Variants in UNC13C observed in about 807,000 individuals in gnomAD.
UNC13C encodes the protein protein unc-13 homolog C.
Under a neutral mutation model 245.4 loss-of-function variants are expected in UNC13C, and 174 were observed. The ratio of observed to expected loss-of-function variants is 0.71; its 90% CI spans 0.63 to 0.80. The LOEUF (loss-of-function observed/expected upper bound fraction) is 0.80, where lower values mean the gene tolerates loss of function less well. UNC13C is among the 30% of genes least tolerant of loss of function. The pLI is 0.00. For missense variants in UNC13C, 2,829 were observed against 2,602.9 expected (o/e 1.09, Z -1.89); for synonymous variants, 992 against 895.1 (o/e 1.11, Z -1.93).
intron 4 of UNC13C, among the ~76,000 whole-genome samples, chr15:54,175,673 C>A (rs1406292607): frequency 6.6e-6 from 1 of 151,914 alleles, no homozygotes; most frequent in African/African-American, 2.4e-5. Flanking sequence ...CCACCACGCC[C>A]AGCTAATTTT....
intron 2 of UNC13C, among the ~76,000 whole-genome samples, chr15:54,086,557 T>G (rs1899248076): frequency 6.6e-6 from 1 of 152,080 alleles, no homozygotes; most frequent in Non-Finnish European, 1.5e-5. Flanking sequence ...CATAAATCCC[T>G]TCTCATTTGT....
chr15:54,426,502 A>T (rs2040762617), intron 19 of UNC13C, among the ~76,000 whole-genome samples: 1 of 151,396 alleles, frequency 6.6e-6, no homozygotes, highest in Non-Finnish European at 1.5e-5. Context: ...AAACAAAAAA[A>T]AATAAAAGTT....
chr15:54,040,838 G>T (rs1011793102), intron 2 of UNC13C, among the ~76,000 whole-genome samples: 9 of 152,100 alleles, frequency 5.9e-5, no homozygotes, highest in Admixed American at 2.0e-4. Flanking sequence ...CTTGCCTCAG[G>T]TATTCACTTG....
chr15:53,933,466 T>C, the UNC13C span, among the ~76,000 whole-genome samples: 224 of 152,246 alleles, frequency 1.5e-3, 2 homozygotes, highest in African/African-American at 5.0e-3. Context: ...CATTTAAATA[T>C]TTACTTCCAA....
chr15:53,982,129 A>G (rs2711588), intron 1 of UNC13C, among the ~76,000 whole-genome samples: 36,791 of 151,954 alleles, frequency 0.24, 5,365 homozygotes, highest in Non-Finnish European at 0.32. Flanking sequence ...TCCCTTTCAA[A>G]TATTTTCTTG....
At chr15:54,624,633 G>A (rs1408017123) in intron 32 of UNC13C, among the ~76,000 whole-genome samples, 1 of 152,056 alleles carries the variant, frequency 6.6e-6, no homozygotes, top group Non-Finnish European at 1.5e-5. Flanking sequence ...TTATACGGTG[G>A]CAAGACCAAA....
the UNC13C span, among the ~76,000 whole-genome samples, chr15:53,915,506 T>C: frequency 6.6e-6 from 1 of 152,226 alleles, no homozygotes; most frequent in South Asian, 2.1e-4. Flanking sequence ...ACAGCACTTA[T>C]GACCAATGAA....
intron 4 of UNC13C, among the ~76,000 whole-genome samples, chr15:54,147,373 C>T (rs2032308820): frequency 1.3e-5 from 2 of 152,028 alleles, no homozygotes; most frequent in Admixed American, 6.5e-5. Flanking sequence ...GCGCCCTCCA[C>T]CACGCCCGGC....
At chr15:54,007,239 T>C (rs1254760069) in intron 1 of UNC13C, among the ~76,000 whole-genome samples, 1 of 152,146 alleles carries the variant, frequency 6.6e-6, no homozygotes, top group African/African-American at 2.4e-5. Context: ...GTAACACAAC[T>C]TAATGCAAAT....
In UNC13C at chr15:54,265,357, G is replaced by A. The variant is rs1180817824; in HGVS notation, c.3679G>A (p.Val1227Ile). Residue 1227 changes from valine to isoleucine, a missense_variant and splice_region_variant, in exon 10 of 33, where the codon GTT becomes ATT. Val to Ile is a conservative substitution (Grantham distance 29). Transcript: ENST00000260323. ...KWSAKITITV[V>I]SAQGLQAKDK... The stretch of plus-strand genomic sequence containing the variant: ...ATGTTTATTTTGGTTTATTTCAGTG[G>A]TTTCTGCACAGGGTCTACAGGCAAA... 3 of 1,515,184 alleles carry A rather than the reference G, an allele frequency of 2.0e-6. No homozygotes were observed. Among genetic ancestry groups the A allele is most frequent in the African/African-American group, 1.4e-5 (1 of 72,264 alleles). The allele number at this position is 1,515,184 out of a possible 1,614,324, so 93.9% of individuals were successfully genotyped here. A position where few individuals can be genotyped will look rare whatever the true frequency, so the allele number is the denominator to read the frequency against.
At chr15:54,073,332 C>G (rs1241783759) in intron 2 of UNC13C, among the ~76,000 whole-genome samples, 2 of 152,116 alleles carry the variant, frequency 1.3e-5, no homozygotes, top group Non-Finnish European at 2.9e-5. Context: ...AACAGTGCTG[C>G]AATACATATA....
At chr15:54,125,962 C>T (rs1169246886) in intron 2 of UNC13C, among the ~76,000 whole-genome samples, 1 of 152,016 alleles carries the variant, frequency 6.6e-6, no homozygotes, top group Non-Finnish European at 1.5e-5. Context: ...AAAACTTATA[C>T]ACAATACAAT....
chr15:54,047,719 T>C (rs957218813), intron 2 of UNC13C, among the ~76,000 whole-genome samples: 1 of 152,200 alleles, frequency 6.6e-6, no homozygotes, highest in Admixed American at 6.5e-5. Context: ...CTTATAAGTA[T>C]CTGCTTTTTA....
chr15:54,142,800 T>A (rs964135804), intron 2 of UNC13C, among the ~76,000 whole-genome samples: 4 of 152,182 alleles, frequency 2.6e-5, no homozygotes, highest in African/African-American at 4.8e-5. Flanking sequence ...AATCCTGTAA[T>A]CACTTTTATA....
chr15:54,606,128 G>A (rs905111441), intron 30 of UNC13C, among the ~76,000 whole-genome samples: 3 of 152,196 alleles, frequency 2.0e-5, no homozygotes, highest in African/African-American at 7.2e-5. Context: ...TAAAAGAAAA[G>A]TACAATTAGT....
rs534166212 is a variant in UNC13C at position 54,602,176 on chromosome 15, T to G, written c.6107-20151T>G. On this transcript the variant is annotated intron_variant, in intron 30 of 32. Transcript: ENST00000260323. ...AGAAAGCATCCAAAGAAAGCAAACC[T>G]GTAGTGGTTTCCATGGAGTTGTGCA... is the stretch of plus-strand genomic sequence containing the variant. Among the ~76,000 whole-genome samples the G allele has an allele frequency of 2.0e-5, 3 of 152,268 alleles. No homozygotes were observed. In the South Asian group the frequency reaches 6.2e-4, roughly 32 times the overall value.
At chr15:53,894,320 T>C in the UNC13C span, among the ~76,000 whole-genome samples, 1 of 152,236 alleles carries the variant, frequency 6.6e-6, no homozygotes, top group African/African-American at 2.4e-5. Flanking sequence ...TATTTCTTAA[T>C]GGCTTAATAA....
chr15:54,049,105 G>T (rs1425381831), intron 2 of UNC13C: 1 of 366,388 alleles, frequency 2.7e-6, no homozygotes, highest in African/African-American at 2.2e-5. Flanking sequence ...AGTCCTTTTT[G>T]ATCCAGAGCA....
chr15:54,450,525 G>A (rs997626310), intron 19 of UNC13C, among the ~76,000 whole-genome samples: 1 of 152,210 alleles, frequency 6.6e-6, no homozygotes, highest in African/African-American at 2.4e-5. Context: ...TCAGACTGCT[G>A]TGCTAGCAAT....
Sources: allele counts gnomAD v4.1 joint callset (sites outside exome capture counted in the v4.1 genomes callset), GRCh38; gene constraint gnomAD v4.1.1; transcripts MANE v1.5; gene names NCBI Gene and HGNC (gene_info 2026-07-23, HGNC 2026-07-21).